CDH13: variants seen among roughly 807,000 people sequenced by gnomAD.
The protein encoded by CDH13 is cadherin 13, also known as cadherin-13.
CDH13 carries 24 observed loss-of-function variants against 63.8 expected under a neutral mutation model. The observed-to-expected ratio is 0.38, with a 90% confidence interval of 0.27 to 0.53. CDH13 has a LOEUF of 0.53. CDH13 is among the 20% of genes least tolerant of loss of function. The probability of loss-of-function intolerance (pLI) is 0.85; values close to 1 mark genes in which losing one functional copy is unlikely to be tolerated. For missense variants in CDH13, 1,049 were observed against 903.1 expected (o/e 1.16, Z -2.07); for synonymous variants, 503 against 355.3 (o/e 1.42, Z -4.67).
intron 6 of CDH13, among the ~76,000 whole-genome samples, chr16:83,414,057 C>T (rs190017723): frequency 5.5e-4 from 84 of 152,250 alleles, no homozygotes; most frequent in Admixed American, 8.5e-4. Context: ...TTAGACAATA[C>T]TTGATTCTTT....
intron 7 of CDH13, among the ~76,000 whole-genome samples, chr16:83,563,910 C>T (rs1441548512): frequency 6.6e-6 from 1 of 152,132 alleles, no homozygotes; most frequent in South Asian, 2.1e-4. Context: ...TGTGAGTGCA[C>T]ATCCTGGAAT....
intron 5 of CDH13, among the ~76,000 whole-genome samples, chr16:83,224,545 C>G (rs2151796414): frequency 6.6e-6 from 1 of 152,356 alleles, no homozygotes; most frequent in South Asian, 2.1e-4. Flanking sequence ...GTGACCTAGG[C>G]AAGAGCCCTG....
chr16:83,486,506 G>C lies in CDH13; in HGVS notation c.811G>C (p.Asp271His). Residue 271 changes from aspartate to histidine, a missense_variant, in exon 7 of 14, where the codon GAT becomes CAT. Coordinates refer to ENST00000567109, the MANE Select transcript of CDH13 (RefSeq NM_001257.5). The stretch of plus-strand genomic sequence containing the variant: ...CACAGTGATGCGGATGACAGCCTTT[G>C]ATGCAGATGACCCAGCCACCGATAA... ...GTTVMRMTAF[D>H]ADDPATDNAL... The C allele has an allele frequency of 6.2e-7, 1 of 1,613,670 alleles. No individual in the cohort carries two copies. Among genetic ancestry groups the C allele is most frequent in the Non-Finnish European group, 8.5e-7 (1 of 1,179,766 alleles).
chr16:83,331,285 T>C (rs1481554835), intron 5 of CDH13, among the ~76,000 whole-genome samples: 2 of 152,218 alleles, frequency 1.3e-5, no homozygotes, highest in Non-Finnish European at 2.9e-5. Context: ...AAAATAAAGC[T>C]GAGGAGACCA....
chr16:83,342,637 G>A (rs977563543), intron 5 of CDH13, among the ~76,000 whole-genome samples: 2 of 152,068 alleles, frequency 1.3e-5, no homozygotes, highest in African/African-American at 2.4e-5. Context: ...TGTCTCCTTA[G>A]TTTCTGTCTT....
intron 11 of CDH13, among the ~76,000 whole-genome samples, chr16:83,775,336 T>G (rs1915035474): frequency 2.0e-5 from 3 of 151,782 alleles, no homozygotes; most frequent in South Asian, 2.1e-4. Flanking sequence ...GCCATGACCT[T>G]CAGCAGATTC....
At chr16:83,543,791 C>T (rs1422832229) in intron 7 of CDH13, among the ~76,000 whole-genome samples, 1 of 152,162 alleles carries the variant, frequency 6.6e-6, no homozygotes, top group Non-Finnish European at 1.5e-5. Flanking sequence ...CAGTACATAA[C>T]ACAGTTCTCA....
intron 8 of CDH13, among the ~76,000 whole-genome samples, chr16:83,626,011 C>CT (rs34252613): frequency 0.11 from 14,575 of 137,360 alleles, 803 homozygotes; most frequent in South Asian, 0.12. Flanking sequence ...AAGCTTGCTT[C>CT]TTTTTTTTTT....
At chr16:82,951,867 T>G (rs1905344688) in intron 2 of CDH13, among the ~76,000 whole-genome samples, 1 of 152,124 alleles carries the variant, frequency 6.6e-6, no homozygotes, top group Non-Finnish European at 1.5e-5. Context: ...TCCATTTCTT[T>G]CCCAGGAGCC....
chr16:82,721,217 C>T (rs146644783), intron 1 of CDH13, among the ~76,000 whole-genome samples: 10 of 152,194 alleles, frequency 6.6e-5, no homozygotes, highest in South Asian at 2.1e-4. Flanking sequence ...ACATTGCCCC[C>T]ACCCTTGATA....
At chr16:82,913,759 G>A (rs2041906673) in intron 2 of CDH13, among the ~76,000 whole-genome samples, 1 of 151,984 alleles carries the variant, frequency 6.6e-6, no homozygotes, top group South Asian at 2.1e-4. Flanking sequence ...CAAGGAAGTA[G>A]TCATTTGGGA....
chr16:82,673,907 C>A (rs1184474941), intron 1 of CDH13, among the ~76,000 whole-genome samples: 1 of 152,186 alleles, frequency 6.6e-6, no homozygotes, highest in Non-Finnish European at 1.5e-5. Flanking sequence ...CCAGGTCCGG[C>A]AATGTGTGCT....
intron 6 of CDH13, among the ~76,000 whole-genome samples, chr16:83,395,396 C>T (rs1343329914): frequency 6.6e-6 from 1 of 151,968 alleles, no homozygotes. Flanking sequence ...TCTGGGAGGT[C>T]CTGTTTGCCA....
At chr16:82,827,787 A>G (rs982307736) in intron 1 of CDH13, among the ~76,000 whole-genome samples, 1 of 152,194 alleles carries the variant, frequency 6.6e-6, no homozygotes, top group Non-Finnish European at 1.5e-5. Flanking sequence ...GAGCAGAACA[A>G]TAATGGTAAA....
intron 2 of CDH13, among the ~76,000 whole-genome samples, chr16:82,979,650 C>G (rs1909998240): frequency 6.6e-6 from 1 of 152,186 alleles, no homozygotes; most frequent in East Asian, 1.9e-4. Context: ...CCAAGCCGTG[C>G]AGAATTGTGA....
At chr16:83,500,822 C>T (rs1028024902) in intron 7 of CDH13, among the ~76,000 whole-genome samples, 1 of 151,734 alleles carries the variant, frequency 6.6e-6, no homozygotes, top group African/African-American at 2.4e-5. Flanking sequence ...TCAGGCGATC[C>T]ACCCGCCTCG....
intron 5 of CDH13, among the ~76,000 whole-genome samples, chr16:83,263,875 G>A (rs554333858): frequency 1.3e-4 from 20 of 152,074 alleles, no homozygotes; most frequent in Admixed American, 1.1e-3. Context: ...TGCCACTGAG[G>A]CTGAATTTTT....
At chr16:83,320,587 G>A (rs528039844) in intron 5 of CDH13, among the ~76,000 whole-genome samples, 27 of 152,128 alleles carry the variant, frequency 1.8e-4, no homozygotes, top group Non-Finnish European at 2.8e-4. Flanking sequence ...CTCAATTAGA[G>A]CAAACAACCA....
At chr16:83,247,914 T>C (rs1905124806) in intron 5 of CDH13, among the ~76,000 whole-genome samples, 1 of 152,202 alleles carries the variant, frequency 6.6e-6, no homozygotes, top group Non-Finnish European at 1.5e-5. Flanking sequence ...TCTTTAAATG[T>C]CACCCATGTG....
Sources: allele counts gnomAD v4.1 joint callset (sites outside exome capture counted in the v4.1 genomes callset), GRCh38; gene constraint gnomAD v4.1.1; transcripts MANE v1.5; gene names NCBI Gene and HGNC (gene_info 2026-07-23, HGNC 2026-07-21).